TG: variants seen among roughly 807,000 people sequenced by gnomAD.
TG encodes thyroglobulin.
In TG, 270 loss-of-function variants were observed where a neutral mutation model predicts 324.7. The observed-to-expected ratio is 0.83, with a 90% CI of 0.75 to 0.92. The LOEUF is 0.92. TG is among the 40% of genes least tolerant of loss of function. The pLI is 0.00. For synonymous variants in TG, 1,401 were observed against 1,327.0 expected, an observed-to-expected ratio of 1.06 and a Z score of -1.21; for missense variants, 3,591 against 3,456.4, an observed-to-expected ratio of 1.04 and a Z score of -0.98.
chr8:132,952,735 G>A (rs569259484), intron 27 of TG, among the ~76,000 whole-genome samples: 2 of 152,288 alleles, frequency 1.3e-5, no homozygotes, highest in African/African-American at 2.4e-5. Context: ...GCACTTTCAC[G>A]TACAACTCAA....
At chr8:132,900,448 G>T (rs1391425349) in intron 15 of TG, 109 bp downstream of exon 15, 4 of 1,034,086 alleles carry the variant, frequency 3.9e-6, no homozygotes, top group East Asian at 5.2e-5. Flanking sequence ...CCATAGCTGT[G>T]GGGGCACAGC....
chr8:133,054,540 G>T (rs560559656), intron 41 of TG, among the ~76,000 whole-genome samples: 127 of 152,308 alleles, frequency 8.3e-4, no homozygotes, highest in African/African-American at 3.0e-3. Context: ...GCATTTTAGG[G>T]CCTGCCTTAG....
At chr8:132,942,806 C>T (rs1220172157) in intron 26 of TG, among the ~76,000 whole-genome samples, 1 of 152,052 alleles carries the variant, frequency 6.6e-6, no homozygotes, top group South Asian at 2.1e-4. Flanking sequence ...GGGAAGGCTT[C>T]CAGGAAGAAG....
intron 41 of TG, among the ~76,000 whole-genome samples, chr8:133,031,951 G>A (rs180940784): frequency 9.2e-5 from 14 of 152,250 alleles, no homozygotes; most frequent in African/African-American, 3.1e-4. Flanking sequence ...CTCCTATGCA[G>A]CATTCACCAG....
chr8:132,947,670 C>T (rs576911057), intron 26 of TG, among the ~76,000 whole-genome samples: 6 of 151,280 alleles, frequency 4.0e-5, no homozygotes, highest in Non-Finnish European at 5.9e-5. Flanking sequence ...CTGAACAACT[C>T]TACTCCCTAA....
At chr8:132,972,006 G>A (rs1001100908) in intron 33 of TG, 133 bp downstream of exon 33, 6 of 732,342 alleles carry the variant, frequency 8.2e-6, no homozygotes, top group Non-Finnish European at 1.5e-5. Flanking sequence ...GGGGCTTGGA[G>A]AGGGCAACTG....
chr8:133,026,581 AC>A (rs1836104773), intron 40 of TG, among the ~76,000 whole-genome samples: 1 of 152,194 alleles, frequency 6.6e-6, no homozygotes, highest in South Asian at 2.1e-4. Flanking sequence ...ATCAGACGGG[AC>A]ACAGGAGGAT....
intron 35 of TG, among the ~76,000 whole-genome samples, chr8:132,990,782 A>C (rs1336401894): frequency 6.6e-6 from 1 of 152,120 alleles, no homozygotes; most frequent in Non-Finnish European, 1.5e-5. Flanking sequence ...AACTCACATA[A>C]CCAGTACTTT....
intron 40 of TG, 68 bp from the exon 41 acceptor site, chr8:133,029,753 A>G: frequency 1.2e-6 from 2 of 1,600,282 alleles, no homozygotes; most frequent in Admixed American, 1.7e-5. Context: ...TGCCATAGAC[A>G]GCACCATGAT....
At chr8:133,081,393 A>G (rs1845720667) in intron 41 of TG, among the ~76,000 whole-genome samples, 1 of 152,278 alleles carries the variant, frequency 6.6e-6, no homozygotes, top group African/African-American at 2.4e-5. Flanking sequence ...GCTAACTATG[A>G]AAACCATCTG....
intron 5 of TG, among the ~76,000 whole-genome samples, chr8:132,876,452 G>A (rs112742312): frequency 0.012 from 1,863 of 152,276 alleles, 35 homozygotes; most frequent in African/African-American, 0.043. Context: ...AAATTAAAAT[G>A]GAGAAGTGGC....
intron 12 of TG, 92 bp downstream of exon 12, chr8:132,897,878 A>G: frequency 6.8e-7 from 1 of 1,466,878 alleles, no homozygotes; most frequent in Non-Finnish European, 9.5e-7. Flanking sequence ...AGTGAGCTGG[A>G]CTCTTAGGCT....
chr8:132,873,728 CA>C (rs1201100700), intron 5 of TG, among the ~76,000 whole-genome samples: 1 of 152,046 alleles, frequency 6.6e-6, no homozygotes, highest in African/African-American at 2.4e-5. Flanking sequence ...AACAAATGAG[CA>C]AAAAGATTCT....
intron 24 of TG, among the ~76,000 whole-genome samples, chr8:132,934,260 G>T (rs964214006): frequency 1.3e-5 from 2 of 152,064 alleles, no homozygotes; most frequent in South Asian, 4.1e-4. Context: ...GCTTGAACCC[G>T]GGAGGTGGAG....
chr8:133,105,846 G>A (rs1218468921), intron 43 of TG, among the ~76,000 whole-genome samples: 1 of 152,158 alleles, frequency 6.6e-6, no homozygotes, highest in African/African-American at 2.4e-5. Context: ...CTGGGAGGAG[G>A]AGATGGAGAG....
chr8:133,050,047 G>T, intron 41 of TG: 1 of 1,071,792 alleles, frequency 9.3e-7, no homozygotes, highest in Non-Finnish European at 1.5e-6. Context: ...ACCAAAGGAT[G>T]AATGAACAGA....
At chr8:133,129,625 T>C (rs1851798192) in intron 45 of TG, among the ~76,000 whole-genome samples, 1 of 152,114 alleles carries the variant, frequency 6.6e-6, no homozygotes, top group Admixed American at 6.5e-5. Context: ...CCCCTCCAAG[T>C]AGCTGGGACT....
chr8:132,868,440 A>T (rs1839175071), intron 2 of TG, among the ~76,000 whole-genome samples: 1 of 151,738 alleles, frequency 6.6e-6, no homozygotes, highest in Admixed American at 6.6e-5. Context: ...AATCTGACCA[A>T]GTGAACCCCA....
chr8:133,133,367 A>G, intron 46 of TG, 103 bp from the exon 47 acceptor site: 1 of 1,204,416 alleles, frequency 8.3e-7, no homozygotes. Flanking sequence ...CTACAGATAC[A>G]TGAATTGTCC....
Sources: allele counts gnomAD v4.1 joint callset (sites outside exome capture counted in the v4.1 genomes callset), GRCh38; gene constraint gnomAD v4.1.1; transcripts MANE v1.5; gene names NCBI Gene and HGNC (gene_info 2026-07-23, HGNC 2026-07-21).